Variants in DLGAP2 observed in about 807,000 individuals in gnomAD.
The protein encoded by DLGAP2 is DLG associated protein 2.
A neutral mutation model predicts 100.3 loss-of-function variants in DLGAP2; 26 were observed. That is an observed-to-expected ratio of 0.26 (90% CI 0.19 to 0.36). The LOEUF (loss-of-function observed/expected upper bound fraction) is 0.36, where lower values mean the gene tolerates loss of function less well. Ranked by LOEUF, DLGAP2 falls within the 10% of genes least tolerant of loss-of-function variation. The pLI is 1.00. For synonymous variants in DLGAP2, 886 were observed against 630.1 expected, an observed-to-expected ratio of 1.41 and a Z score of -6.08; for missense variants, 1,858 against 1,453.2, an observed-to-expected ratio of 1.28 and a Z score of -4.53.
chr8:830,229 A>C (rs1287011910), intron 1 of DLGAP2, among the ~76,000 whole-genome samples: 1 of 152,206 alleles, frequency 6.6e-6, no homozygotes, highest in Non-Finnish European at 1.5e-5. Context: ...TGATACAGGC[A>C]TGCAATGTGT....
At chr8:893,856 C>T (rs771280100) in intron 1 of DLGAP2, among the ~76,000 whole-genome samples, 1 of 152,258 alleles carries the variant, frequency 6.6e-6, no homozygotes, top group East Asian at 1.9e-4. Flanking sequence ...CGAGCCCCTC[C>T]TCTTGCTGTG....
At chr8:1,094,062 G>A (rs1804286097) in intron 2 of DLGAP2, among the ~76,000 whole-genome samples, 1 of 151,758 alleles carries the variant, frequency 6.6e-6, no homozygotes, top group Admixed American at 6.6e-5. Context: ...GGTGGAGGGA[G>A]GGCAGCTGCG....
intron 2 of DLGAP2, among the ~76,000 whole-genome samples, chr8:965,696 C>G (rs6989335): frequency 8.8e-4 from 100 of 113,486 alleles, no homozygotes; most frequent in Middle Eastern, 5.4e-3. Flanking sequence ...TCACCTCACA[C>G]GGCTCCTGAG....
At chr8:1,005,758 G>A (rs1215138595) in intron 2 of DLGAP2, among the ~76,000 whole-genome samples, 1 of 152,034 alleles carries the variant, frequency 6.6e-6, no homozygotes. Context: ...TGTGCCCTGG[G>A]AACTGCAGAC....
Position 1,195,056 on chromosome 8 carries a change from C to G in DLGAP2, c.74-63795C>G, listed in dbSNP as rs112268651. Among the ~76,000 whole-genome samples the G allele has an allele frequency of 4.6e-5, 7 of 152,370 alleles. No homozygotes were observed. In the South Asian group the frequency reaches 1.4e-3, roughly 32 times the overall value. On this transcript the variant is annotated intron_variant, in intron 2 of 14. Transcript: ENST00000637795. ...ACACTTTGTTCGTTTCAGAGGCGTC[C>G]GCCCCAGCATGAGTGCTCAAGCTCT...
At chr8:1,571,532 G>C (rs1802681300) in intron 6 of DLGAP2, among the ~76,000 whole-genome samples, 1 of 144,822 alleles carries the variant, frequency 6.9e-6, no homozygotes. Context: ...CTGGGATGGA[G>C]AGGAGAGAGG....
chr8:1,189,210 T>C lies in DLGAP2; in HGVS notation c.74-69641T>C, dbSNP rs111963515. On this transcript the variant is annotated intron_variant, in intron 2 of 14. Coordinates refer to ENST00000637795, the MANE Select transcript of DLGAP2 (RefSeq NM_001346810.2). ...GTTGGGGTTGACCTTACACAGGATT[T>C]GGGCCCCAGGCCGGTTCCGCGGTTG... Among the ~76,000 whole-genome samples, 84 of 88,342 alleles carry C rather than the reference T, an allele frequency of 9.5e-4. 3 individuals carry two copies. The highest frequency in any genetic ancestry group is 2.3e-3 in the Admixed American group (23 of 10,150). 58.0% of individuals were successfully genotyped at this position (88,342 alleles called of 152,430 possible).
intron 3 of DLGAP2, among the ~76,000 whole-genome samples, chr8:1,273,396 G>T (rs545517476): frequency 6.6e-6 from 1 of 152,188 alleles, no homozygotes; most frequent in African/African-American, 2.4e-5. Context: ...ATCACCCCAG[G>T]TCACACAGCT....
chr8:1,523,758 A>T (rs191809028), intron 4 of DLGAP2, among the ~76,000 whole-genome samples: 36 of 152,292 alleles, frequency 2.4e-4, no homozygotes, highest in African/African-American at 8.2e-4. Context: ...CCTTCGTTAC[A>T]TCCCTAAAAG....
chr8:1,136,178 C>T (rs959206538), intron 2 of DLGAP2, among the ~76,000 whole-genome samples: 6 of 152,122 alleles, frequency 3.9e-5, no homozygotes, highest in African/African-American at 1.4e-4. Flanking sequence ...TCCCAAGGGG[C>T]GGGACACCTG....
At chr8:1,321,095 G>T (rs1263154439) in intron 3 of DLGAP2, among the ~76,000 whole-genome samples, 1 of 151,750 alleles carries the variant, frequency 6.6e-6, no homozygotes, top group East Asian at 1.9e-4. Context: ...GTGTGCGCAT[G>T]CATCCATGTG....
At chr8:1,197,455 G>A (rs538075234) in intron 2 of DLGAP2, among the ~76,000 whole-genome samples, 36 of 152,204 alleles carry the variant, frequency 2.4e-4, no homozygotes, top group Non-Finnish European at 4.6e-4. Flanking sequence ...CTACTTCATA[G>A]CCCAGGGTCA....
chr8:946,838 C>A (rs969929348), intron 2 of DLGAP2, among the ~76,000 whole-genome samples: 2 of 152,208 alleles, frequency 1.3e-5, no homozygotes, highest in African/African-American at 4.8e-5. Context: ...AGCAATAGCA[C>A]AGCAGCTCCC....
chr8:989,609 T>G (rs1800596442), intron 2 of DLGAP2, among the ~76,000 whole-genome samples: 1 of 152,154 alleles, frequency 6.6e-6, no homozygotes, highest in Non-Finnish European at 1.5e-5. Context: ...TTAACTGTGT[T>G]GAAAGGTAGA....
intron 2 of DLGAP2, among the ~76,000 whole-genome samples, chr8:1,190,407 G>C (rs1490650702): frequency 1.1e-4 from 4 of 37,458 alleles, no homozygotes; most frequent in Non-Finnish European, 2.0e-4. Context: ...CGGGGCATCT[G>C]CTGTTGGGGC....
chr8:1,420,971 C>T (rs1797072972), intron 3 of DLGAP2, among the ~76,000 whole-genome samples: 1 of 152,104 alleles, frequency 6.6e-6, no homozygotes, highest in Non-Finnish European at 1.5e-5. Context: ...ATGTTGCTTC[C>T]CAAAGAGCGG....
At chr8:1,379,405 G>T (rs1417363959) in intron 3 of DLGAP2, among the ~76,000 whole-genome samples, 1 of 152,274 alleles carries the variant, frequency 6.6e-6, no homozygotes, top group Non-Finnish European at 1.5e-5. Flanking sequence ...AGGAGGTGGA[G>T]AAACGGGCAG....
intron 2 of DLGAP2, among the ~76,000 whole-genome samples, chr8:1,044,935 T>G (rs1303990962): frequency 6.6e-6 from 1 of 152,238 alleles, no homozygotes; most frequent in Non-Finnish European, 1.5e-5. Context: ...CACCCCATGG[T>G]GAGGCCAGCA....
intron 6 of DLGAP2, among the ~76,000 whole-genome samples, chr8:1,595,796 T>C (rs1012463380): frequency 2.6e-5 from 4 of 152,054 alleles, no homozygotes; most frequent in Admixed American, 1.3e-4. Flanking sequence ...ACTATAAATA[T>C]TTATTTAGTA....
Sources: gnomAD v4.1 joint callset for allele counts (sites outside exome capture counted in the v4.1 genomes callset) on GRCh38, gnomAD v4.1.1 for gene constraint, MANE v1.5 for transcripts, NCBI Gene and HGNC (gene_info 2026-07-23, HGNC 2026-07-21) for gene names.